Variants in TUT4 observed in about 807,000 individuals in gnomAD.
TUT4 encodes terminal uridylyl transferase 4.
A neutral mutation model predicts 192.2 loss-of-function variants in TUT4; 36 were observed. The observed-to-expected ratio is 0.19, with a 90% CI of 0.14 to 0.25. TUT4 has a LOEUF of 0.25. Ranked by LOEUF, TUT4 falls within the 10% of genes least tolerant of loss-of-function variation. TUT4 has a pLI of 1.00. For missense variants in TUT4, 1,493 were observed against 1,957.2 expected (o/e 0.76, Z 4.47); for synonymous variants, 618 against 666.0 (o/e 0.93, Z 1.11).
chr1:52,435,668 A>C (rs1277819545), intron 26 of TUT4, among the ~76,000 whole-genome samples: 1 of 152,244 alleles, frequency 6.6e-6, no homozygotes, highest in African/African-American at 2.4e-5. Context: ...AAACTAGCAG[A>C]TCAAGAAAAA....
chr1:52,441,444 A>ATCTTTTTTT (rs1553160600), intron 24 of TUT4, among the ~76,000 whole-genome samples: 2 of 119,984 alleles, frequency 1.7e-5, no homozygotes, highest in African/African-American at 7.3e-5. Context: ...TCTCGGCTAA[A>ATCTTTTTTT]TTTTTTTTTT....
chr1:52,531,885 C>CTTTT lies in TUT4; in HGVS notation c.-93-5516_-93-5513dup, dbSNP rs1158088077. 7.8e-4 allele frequency among the ~76,000 whole-genome samples: 63 copies of CTTTT among 80,830 alleles called. 7 individuals carry two copies. Among genetic ancestry groups the CTTTT allele is most frequent in the Middle Eastern group, 6.3e-3 (1 of 158 alleles). The allele number at this position is 80,830 out of a possible 152,430, so 53.0% of individuals were successfully genotyped here. A position where few individuals can be genotyped will look rare whatever the true frequency, so the allele number is the denominator to read the frequency against. ...AACAGTAGAGACTGTCTTTTCTCAT[C>CTTTT]TTTTTTTTTTTTTTTTTTTTTTTTT... On this transcript the variant is annotated intron_variant, in intron 1 of 29. Transcript: ENST00000257177.
chr1:52,485,272 G>A (rs1452486292), intron 9 of TUT4, among the ~76,000 whole-genome samples: 1 of 151,944 alleles, frequency 6.6e-6, no homozygotes, highest in Non-Finnish European at 1.5e-5. Flanking sequence ...CATTCTAACA[G>A]GCTATTTTTA....
intron 20 of TUT4, among the ~76,000 whole-genome samples, chr1:52,452,571 T>C (rs1659748063): frequency 6.6e-6 from 1 of 152,174 alleles, no homozygotes; most frequent in Admixed American, 6.5e-5. Flanking sequence ...ATCTTGCATA[T>C]GTAATGAAGC....
intron 3 of TUT4, among the ~76,000 whole-genome samples, chr1:52,511,171 A>G (rs1677049454): frequency 6.6e-6 from 1 of 152,196 alleles, no homozygotes; most frequent in Non-Finnish European, 1.5e-5. Context: ...CAACAACCCT[A>G]TCAGAACTCC....
intron 1 of TUT4, among the ~76,000 whole-genome samples, chr1:52,543,445 C>T (rs961854782): frequency 6.6e-6 from 1 of 150,394 alleles, no homozygotes; most frequent in Admixed American, 6.6e-5. Flanking sequence ...AATATATAAA[C>T]AGAAACACAT....
At position 52,437,038 on chromosome 1, in the gene TUT4, T is replaced by C. The variant is rs75863166; in HGVS notation, c.3939-60A>G. ...ATTAAGTGAGTCACAGAACAAACTA[T>C]GCAGGACTCTCACAATAACAAAAGG... is the stretch of plus-strand genomic sequence containing the variant. On this transcript the variant is annotated intron_variant, in intron 25 of 29. Transcript: ENST00000257177. The C allele has an allele frequency of 2.6e-3, 4,029 of 1,570,822 alleles. 77 individuals carry two copies. The African/African-American group carries it at 0.046, about 18-fold the overall frequency.
intron 15 of TUT4, among the ~76,000 whole-genome samples, chr1:52,466,719 G>A (rs1400170511): frequency 1.3e-5 from 2 of 148,904 alleles, no homozygotes; most frequent in Non-Finnish European, 3.0e-5. Flanking sequence ...CGCCCAGGCT[G>A]GAGTGCAAAG....
intron 15 of TUT4, 146 bp downstream of exon 15, chr1:52,468,035 G>A (rs1025878675): frequency 1.7e-5 from 10 of 572,962 alleles, no homozygotes; most frequent in Non-Finnish European, 2.1e-5. Flanking sequence ...AGCTTCATGA[G>A]GTTTCATCTC....
chr1:52,477,111 A>G (rs1016581090), intron 12 of TUT4, among the ~76,000 whole-genome samples: 4 of 152,326 alleles, frequency 2.6e-5, no homozygotes, highest in African/African-American at 4.8e-5. Flanking sequence ...AAAAGATCTT[A>G]TATTATTCAT....
intron 1 of TUT4, among the ~76,000 whole-genome samples, chr1:52,528,958 C>T (rs889231083): frequency 7.9e-5 from 12 of 152,058 alleles, no homozygotes; most frequent in African/African-American, 2.9e-4. Flanking sequence ...AGTGACCCTC[C>T]CATCTCAGTC....
At chr1:52,531,708 A>G (rs929971528) in intron 1 of TUT4, among the ~76,000 whole-genome samples, 24 of 152,190 alleles carry the variant, frequency 1.6e-4, no homozygotes, top group African/African-American at 5.5e-4. Flanking sequence ...TAACTAGGAA[A>G]TGTCTCTCTT....
chr1:52,500,040 TGA>T (rs1489463770), intron 4 of TUT4, among the ~76,000 whole-genome samples: 5 of 151,530 alleles, frequency 3.3e-5, no homozygotes, highest in Non-Finnish European at 7.4e-5. Context: ...GAGAATTGCT[TGA>T]ACCAGGGAGG....
intron 26 of TUT4, among the ~76,000 whole-genome samples, chr1:52,436,112 T>C (rs1175391086): frequency 3.9e-5 from 6 of 152,202 alleles, no homozygotes; most frequent in Non-Finnish European, 8.8e-5. Context: ...GGAAGAAATA[T>C]AATTCTCCAA....
chr1:52,472,141 T>C (rs769639130), intron 13 of TUT4, 39 bp from the exon 14 acceptor site: 4 of 1,587,022 alleles, frequency 2.5e-6, no homozygotes, highest in Middle Eastern at 1.7e-4. Flanking sequence ...TAATAAACTT[T>C]TGAGGGACTT....
chr1:52,461,641 G>A lies in TUT4; in HGVS notation c.3128-25C>T, dbSNP rs1662588317. On this transcript the variant is annotated intron_variant, in intron 17 of 29. Transcript: ENST00000257177. ...CCTAATTTAAAAAAAAAAGACTTCA[G>A]TAGGTTAAATAATTTTCATATATGC... 8.3e-6 allele frequency: 13 copies of A among 1,574,318 alleles called. No individual in the cohort carries two copies. The East Asian group carries it at 2.9e-4, about 35-fold the overall frequency.
intron 12 of TUT4, among the ~76,000 whole-genome samples, chr1:52,476,873 TA>T (rs1667226259): frequency 6.6e-6 from 1 of 152,216 alleles, no homozygotes; most frequent in Non-Finnish European, 1.5e-5. Flanking sequence ...ATTTCTTATC[TA>T]CAAAAGGTAA....
chr1:52,488,756 G>A (rs1670428883), intron 9 of TUT4, among the ~76,000 whole-genome samples, 153 bp downstream of exon 9: 1 of 152,104 alleles, frequency 6.6e-6, no homozygotes, highest in African/African-American at 2.4e-5. Flanking sequence ...ATTACAACCT[G>A]CCACACCAAC....
At chr1:52,461,310 T>C (rs1005017958) in intron 18 of TUT4, 87 bp from the exon 19 acceptor site, 1 of 1,286,774 alleles carries the variant, frequency 7.8e-7, no homozygotes, top group Middle Eastern at 2.5e-4. Flanking sequence ...ACACTCCAAA[T>C]ACAAAATATA....
Sources: allele counts gnomAD v4.1 joint callset (sites outside exome capture counted in the v4.1 genomes callset), GRCh38; gene constraint gnomAD v4.1.1; transcripts MANE v1.5; gene names NCBI Gene and HGNC (gene_info 2026-07-23, HGNC 2026-07-21).